Variants in RMST observed in about 807,000 individuals in gnomAD.
The protein encoded by RMST is rhabdomyosarcoma 2 associated transcript.
rs549314892 is a variant in RMST, at chr12:97,543,270, T to G, written n.1545+12411T>G. 1.2e-4 allele frequency among the ~76,000 whole-genome samples: 19 copies of G among 152,150 alleles called. No individual in the cohort carries two copies. The South Asian group carries it at 3.9e-3, about 31-fold the overall frequency. Reference sequence around the variant, plus strand: ...AAGCAGGGCCCGCACCAAGCCTTTTTGTCAAAAACAGTCGAATGTGGGGAC... The same window carrying G: ...AAGCAGGGCCCGCACCAAGCCTTTTGGTCAAAAACAGTCGAATGTGGGGAC... On this transcript the variant is annotated intron_variant and non_coding_transcript_variant, in intron 11 of 13. Coordinates refer to ENST00000640149, the Ensembl canonical transcript of RMST.
intron 10 of RMST, among the ~76,000 whole-genome samples, chr12:97,501,257 A>G (rs1175108783): frequency 6.6e-6 from 1 of 152,226 alleles, no homozygotes; most frequent in Non-Finnish European, 1.5e-5. Context: ...AACACAGTTA[A>G]ACGTTAAAAG....
At chr12:97,507,295 A>G (rs540723576) in intron 10 of RMST, among the ~76,000 whole-genome samples, 10 of 151,534 alleles carry the variant, frequency 6.6e-5, no homozygotes, top group South Asian at 4.2e-4. Context: ...TTTAAAAAAA[A>G]AAAGATGGCT....
chr12:97,476,422 C>T (rs1874558111), intron 5 of RMST, among the ~76,000 whole-genome samples: 1 of 152,068 alleles, frequency 6.6e-6, no homozygotes, highest in Admixed American at 6.6e-5. Flanking sequence ...TAGCACAGTC[C>T]CTCTGGTTAA....
intron 5 of RMST, among the ~76,000 whole-genome samples, chr12:97,487,483 G>A (rs1876238463): frequency 6.6e-6 from 1 of 152,090 alleles, no homozygotes; most frequent in African/African-American, 2.4e-5. Flanking sequence ...ACTGCCACAA[G>A]AAAATAGGAA....
intron 5 of RMST, among the ~76,000 whole-genome samples, chr12:97,475,149 C>T (rs1026446329): frequency 6.6e-6 from 1 of 152,148 alleles, no homozygotes; most frequent in Non-Finnish European, 1.5e-5. Context: ...TGTCAGTAAT[C>T]AGTGAGTTTC....
Position 97,463,899 on chromosome 12 carries a change from A to G in RMST, n.584+610A>G, listed in dbSNP as rs909175879. The stretch of plus-strand genomic sequence containing the variant: ...TGGTTTTTTTTAATGATGAGGAGAA[A>G]TTGACTCAAAATTAGACTGTAGAGG... On this transcript the variant is annotated intron_variant and non_coding_transcript_variant, in intron 4 of 13. Transcript: ENST00000640149. Among the ~76,000 whole-genome samples the G allele has an allele frequency of 7.2e-5, 11 of 152,244 alleles. No individual in the cohort carries two copies. In the East Asian group the frequency reaches 9.7e-4, roughly 13 times the overall value.
intron 4 of RMST, among the ~76,000 whole-genome samples, chr12:97,464,180 G>A (rs1449826959): frequency 2.0e-5 from 3 of 152,158 alleles, no homozygotes; most frequent in Non-Finnish European, 4.4e-5. Context: ...CCAGGACATC[G>A]ATTTAGGAGG....
intron 5 of RMST, among the ~76,000 whole-genome samples, chr12:97,471,854 AT>A (rs1873956849): frequency 1.3e-5 from 2 of 152,108 alleles, no homozygotes; most frequent in Middle Eastern, 3.4e-3. Context: ...TTGGTTGAAG[AT>A]TTTTTTTCCT....
chr12:97,563,590 T>C (rs759898854), intron 13 of RMST: 6 of 335,470 alleles, frequency 1.8e-5, no homozygotes, highest in Non-Finnish European at 3.5e-5. Flanking sequence ...GTGAATTCAA[T>C]GGCTGAATGT....
intron 10 of RMST, among the ~76,000 whole-genome samples, chr12:97,512,120 C>A (rs1472687140): frequency 6.6e-6 from 1 of 152,028 alleles, no homozygotes. Context: ...TCTGTCTGGC[C>A]GAGTCTGGCG....
At chr12:97,504,783 T>A (rs1245879719) in intron 10 of RMST, among the ~76,000 whole-genome samples, 1 of 152,200 alleles carries the variant, frequency 6.6e-6, no homozygotes, top group Non-Finnish European at 1.5e-5. Context: ...TGCATATGGT[T>A]TCAGACTTCA....
chr12:97,474,485 G>T (rs531511936), intron 5 of RMST, among the ~76,000 whole-genome samples: 6 of 151,926 alleles, frequency 3.9e-5, no homozygotes, highest in Non-Finnish European at 8.8e-5. Flanking sequence ...TTCTTCAATG[G>T]AATTTCTTCC....
chr12:97,558,634 A>G (rs926107408), intron 11 of RMST, among the ~76,000 whole-genome samples: 5 of 152,204 alleles, frequency 3.3e-5, no homozygotes, highest in Admixed American at 3.3e-4. Context: ...TATTACAAAC[A>G]TAAATTCCTG....
chr12:97,500,313 C>G (rs1242785237), intron 10 of RMST, among the ~76,000 whole-genome samples: 1 of 152,142 alleles, frequency 6.6e-6, no homozygotes, highest in Admixed American at 6.5e-5. Flanking sequence ...CAGTGTATGA[C>G]ATGGTCATAT....
chr12:97,556,117 C>A (rs1214960243), intron 11 of RMST, among the ~76,000 whole-genome samples: 1 of 152,168 alleles, frequency 6.6e-6, no homozygotes, highest in Non-Finnish European at 1.5e-5. Flanking sequence ...TTGAGAAGCC[C>A]TGGTTGAACT....
intron 11 of RMST, among the ~76,000 whole-genome samples, chr12:97,545,630 C>T (rs147552877): frequency 6.6e-6 from 1 of 152,000 alleles, no homozygotes; most frequent in South Asian, 2.1e-4. Flanking sequence ...CAGTTACTCC[C>T]AAGCTTTTCT....
chr12:97,562,059 T>C (rs1884154088), intron 13 of RMST, among the ~76,000 whole-genome samples: 1 of 152,104 alleles, frequency 6.6e-6, no homozygotes, highest in Non-Finnish European at 1.5e-5. Context: ...AACTCCCAAG[T>C]TCTCTCCTGA....
At chr12:97,484,956 G>A (rs1251944982) in intron 5 of RMST, among the ~76,000 whole-genome samples, 10 of 152,082 alleles carry the variant, frequency 6.6e-5, no homozygotes, top group South Asian at 2.1e-4. Context: ...GGTCAGACAC[G>A]TAGAAGACTT....
chr12:97,523,532 A>G (rs935415655), intron 10 of RMST, among the ~76,000 whole-genome samples: 5 of 152,248 alleles, frequency 3.3e-5, no homozygotes, highest in African/African-American at 7.2e-5. Flanking sequence ...GCTAAATACT[A>G]ATTTGATTAT....
Sources: allele counts gnomAD v4.1 joint callset (sites outside exome capture counted in the v4.1 genomes callset), GRCh38; gene constraint gnomAD v4.1.1; transcripts MANE v1.5; gene names NCBI Gene and HGNC (gene_info 2026-07-23, HGNC 2026-07-21).